RBM6: variants seen among roughly 807,000 people sequenced by gnomAD.
RBM6 encodes RNA-binding protein 6.
In RBM6, 23 loss-of-function variants were observed where a neutral mutation model predicts 140.4. That is an observed-to-expected ratio of 0.16 (90% CI 0.12 to 0.23). The LOEUF (loss-of-function observed/expected upper bound fraction) is 0.23. RBM6 is among the 10% of genes least tolerant of loss of function. The pLI, the probability that RBM6 is intolerant of heterozygous loss-of-function variation, is 1.00. For missense variants in RBM6, 1,139 were observed against 1,386.7 expected, an observed-to-expected ratio of 0.82 and a Z score of 2.84; for synonymous variants, 439 against 475.6, an observed-to-expected ratio of 0.92 and a Z score of 1.00.
At chr3:50,054,813 C>G (rs976088273) in intron 8 of RBM6, among the ~76,000 whole-genome samples, 2 of 151,804 alleles carry the variant, frequency 1.3e-5, no homozygotes, top group Non-Finnish European at 1.5e-5. Context: ...CTGCACAAGG[C>G]CTGCAAACCT....
At chr3:49,974,539 T>C (rs2084970378) in intron 4 of RBM6, among the ~76,000 whole-genome samples, 1 of 151,168 alleles carries the variant, frequency 6.6e-6, no homozygotes, top group African/African-American at 2.4e-5. Context: ...GCCTGGCTAA[T>C]TTCTTGTATT....
At chr3:50,065,741 G>C in intron 16 of RBM6, 1 of 430,082 alleles carries the variant, frequency 2.3e-6, no homozygotes. Context: ...TTCCTGCTCC[G>C]CATTATTAAT....
Position 49,967,241 on chromosome 3 carries a change from TGTGTTGACTTTCCTC to T in RBM6, c.45-223_45-209del, listed in dbSNP as rs1292358141. 3 of 1,304,932 alleles carry T rather than the reference TGTGTTGACTTTCCTC, an allele frequency of 2.3e-6. No individual in the cohort carries two copies. The allele number at this position is 1,304,932 out of a possible 1,614,324, so 80.8% of individuals were successfully genotyped here. A position where few individuals can be genotyped will look rare whatever the true frequency, so the allele number is the denominator to read the frequency against. ...TCTGCAGCAGTCATGTTGAAAACCT[TGTGTTGACTTTCCTC>T]GTGTTCTGAAATGGGAGCATAAAAG... On this transcript the variant is annotated intron_variant, in intron 2 of 20. Transcript: ENST00000266022. The surrounding 1 kb of genome is among the most constrained non-coding windows in gnomAD (Gnocchi z 4.0).
intron 2 of RBM6, among the ~76,000 whole-genome samples, chr3:49,966,174 T>C (rs1414910132): frequency 1.3e-5 from 2 of 152,212 alleles, no homozygotes; most frequent in East Asian, 3.8e-4. Context: ...CAACTATTTC[T>C]CTTGAACTGA....
At chr3:49,986,605 A>C (rs111439884) in intron 5 of RBM6, among the ~76,000 whole-genome samples, 68,629 of 149,320 alleles carry the variant, frequency 0.46, 16,438 homozygotes, top group Non-Finnish European at 0.52. Flanking sequence ...AAAAAAAAAA[A>C]AAAACAAAAC....
chr3:49,962,657 C>T lies in RBM6; in HGVS notation c.16C>T (p.Arg6Ter). 1 of 1,579,872 alleles carries T rather than the reference C, an allele frequency of 6.3e-7. No individual in the cohort carries two copies. The highest frequency in any genetic ancestry group is 8.6e-7 in the Non-Finnish European group (1 of 1,168,902). The change falls in exon 2 of 21, where the codon CGA becomes TGA. Residue 6 changes from arginine (R) to a stop codon, truncating the protein, a stop_gained. Transcript: ENST00000266022. LOFTEE classifies it high-confidence loss of function. ...ATAAAAAGAGATGTGGGGGGATTCTCGACCTGCTAACAGAACTGGACCTTT... is the reference window on the plus strand; with the variant it reads ...ATAAAAAGAGATGTGGGGGGATTCTTGACCTGCTAACAGAACTGGACCTTT... MWGDS[R>*]PANRTGPFRG...
chr3:49,949,608 T>C lies in RBM6; in HGVS notation c.-67+9383T>C, dbSNP rs554924261. On this transcript the variant is annotated intron_variant, in intron 1 of 20. Transcript: ENST00000266022. Reference sequence around the variant, plus strand: ...GTTGGCCAGGATGGTTTCAATCTTATGACTTTGTGATCTGACCACTTTGGC... The same window carrying C: ...GTTGGCCAGGATGGTTTCAATCTTACGACTTTGTGATCTGACCACTTTGGC... Among the ~76,000 whole-genome samples, 11 of 152,172 alleles carry C rather than the reference T, an allele frequency of 7.2e-5. No individual in the cohort carries two copies. In the East Asian group the frequency reaches 1.6e-3, roughly 22 times the overall value.
intron 1 of RBM6, among the ~76,000 whole-genome samples, chr3:49,948,110 G>T (rs1259544944): frequency 6.6e-6 from 1 of 151,920 alleles, no homozygotes; most frequent in Admixed American, 6.6e-5. Context: ...AAAAAAAAAA[G>T]AAAATTGACC....
intron 4 of RBM6, among the ~76,000 whole-genome samples, chr3:49,973,813 T>C (rs1386639802): frequency 6.6e-6 from 1 of 152,058 alleles, no homozygotes; most frequent in Non-Finnish European, 1.5e-5. Flanking sequence ...CTTGAACTCC[T>C]GACCTCAAGT....
At chr3:50,037,188 C>G (rs2088593692) in intron 6 of RBM6, among the ~76,000 whole-genome samples, 1 of 151,972 alleles carries the variant, frequency 6.6e-6, no homozygotes, top group African/African-American at 2.4e-5. Flanking sequence ...TCATTTGAGC[C>G]CAGGAGTTCA....
At chr3:49,941,660 A>AAAAC (rs2083287570) in intron 1 of RBM6, among the ~76,000 whole-genome samples, 1 of 150,490 alleles carries the variant, frequency 6.6e-6, no homozygotes, top group African/African-American at 2.4e-5. Flanking sequence ...AAAAAAAAAA[A>AAAAC]AAAAAAAAAA....
intron 6 of RBM6, among the ~76,000 whole-genome samples, chr3:50,001,102 C>G (rs1429183804): frequency 6.6e-6 from 1 of 152,194 alleles, no homozygotes; most frequent in Non-Finnish European, 1.5e-5. Context: ...ACAGGTTCCA[C>G]ACCCATAGAT....
At chr3:50,022,470 A>G (rs902124378) in intron 6 of RBM6, among the ~76,000 whole-genome samples, 1 of 151,874 alleles carries the variant, frequency 6.6e-6, no homozygotes, top group Non-Finnish European at 1.5e-5. Context: ...AGCTGGGATT[A>G]TAGGCTCATG....
At chr3:50,031,174 C>T (rs1288907860) in intron 6 of RBM6, among the ~76,000 whole-genome samples, 3 of 152,248 alleles carry the variant, frequency 2.0e-5, no homozygotes, top group Admixed American at 6.5e-5. Context: ...GACAGTGTGG[C>T]GATTCCTCAA....
At chr3:50,076,677 G>T (rs889342933) in intron 20 of RBM6, among the ~76,000 whole-genome samples, 3 of 151,994 alleles carry the variant, frequency 2.0e-5, no homozygotes, top group Non-Finnish European at 2.9e-5. Context: ...CTTGAGGCCA[G>T]GAGTTCGAGA....
chr3:49,963,915 T>C (rs1203382587), intron 2 of RBM6, among the ~76,000 whole-genome samples: 2 of 152,166 alleles, frequency 1.3e-5, no homozygotes, highest in Non-Finnish European at 2.9e-5. Flanking sequence ...TTTTACCTTT[T>C]TTCAAAATGG....
At chr3:50,029,922 A>G (rs1158006059) in intron 6 of RBM6, among the ~76,000 whole-genome samples, 1 of 151,380 alleles carries the variant, frequency 6.6e-6, no homozygotes, top group Non-Finnish European at 1.5e-5. Flanking sequence ...TCCCATTACT[A>G]GAGAGGTTGA....
intron 2 of RBM6, among the ~76,000 whole-genome samples, chr3:49,965,408 G>A (rs1250824904): frequency 1.3e-5 from 2 of 152,198 alleles, no homozygotes; most frequent in Non-Finnish European, 2.9e-5. Context: ...GGCGGCTCAC[G>A]CCTGTAATCC....
intron 6 of RBM6, among the ~76,000 whole-genome samples, chr3:50,024,703 C>T (rs1202612139): frequency 6.6e-6 from 1 of 152,186 alleles, no homozygotes; most frequent in South Asian, 2.1e-4. Context: ...CCTGTTATCC[C>T]AGCACTTTGG....
Sources: allele counts gnomAD v4.1 joint callset (sites outside exome capture counted in the v4.1 genomes callset), GRCh38; gene constraint gnomAD v4.1.1; non-coding constraint Gnocchi (gnomAD v3.1); transcripts MANE v1.5; gene names NCBI Gene and HGNC (gene_info 2026-07-23, HGNC 2026-07-21).